PCDHA3: variants seen among roughly 807,000 people sequenced by gnomAD.
The protein encoded by PCDHA3 is protocadherin alpha-3.
In PCDHA3, 41 loss-of-function variants were observed where a neutral mutation model predicts 62.2. The observed-to-expected ratio is 0.66, with a 90% CI of 0.51 to 0.86. The LOEUF is 0.86. PCDHA3 is among the 40% of genes least tolerant of loss of function. The probability of loss-of-function intolerance (pLI) is 0.00; values close to 1 mark genes in which losing one functional copy is unlikely to be tolerated. For synonymous variants in PCDHA3, 640 were observed against 555.4 expected (o/e 1.15, Z -2.14); for missense variants, 1,304 against 1,241.2 (o/e 1.05, Z -0.76).
intron 1 of PCDHA3, chr5:140,851,624 A>G (rs1224878154): frequency 1.1e-6 from 1 of 920,370 alleles, no homozygotes; most frequent in Non-Finnish European, 1.3e-6. Context: ...AATGCTTTTT[A>G]AACAAGTGTT....
At chr5:140,914,360 T>C (rs782101976) in intron 1 of PCDHA3, among the ~76,000 whole-genome samples, 10 of 152,218 alleles carry the variant, frequency 6.6e-5, no homozygotes, top group Non-Finnish European at 1.5e-4. Context: ...GTTTTTGTCT[T>C]GAGATCTATT....
At chr5:140,836,278 G>T (rs1774328850) in intron 1 of PCDHA3, 3 of 1,613,796 alleles carry the variant, frequency 1.9e-6, no homozygotes, top group Middle Eastern at 1.6e-4. Context: ...GGTGAGATCA[G>T]CACGACACGA....
intron 1 of PCDHA3, among the ~76,000 whole-genome samples, chr5:140,933,345 A>G (rs1257404732): frequency 6.6e-6 from 1 of 151,960 alleles, no homozygotes; most frequent in Non-Finnish European, 1.5e-5. Flanking sequence ...AAAGATAAAC[A>G]CTTTATTTCT....
chr5:140,910,346 G>C (rs2074987326), intron 1 of PCDHA3, among the ~76,000 whole-genome samples: 1 of 152,152 alleles, frequency 6.6e-6, no homozygotes, highest in Admixed American at 6.5e-5. Flanking sequence ...CTTTGCCTCT[G>C]CTGTCCATTA....
chr5:140,868,892 A>C (rs1450985948), intron 1 of PCDHA3: 8 of 760,982 alleles, frequency 1.1e-5, no homozygotes, highest in Non-Finnish European at 1.6e-5. Context: ...TTTTAGGCGC[A>C]AGGTGTCGCT....
chr5:140,928,262 A>G, intron 1 of PCDHA3: 1 of 1,614,214 alleles, frequency 6.2e-7, no homozygotes, highest in Non-Finnish European at 8.5e-7. Flanking sequence ...GTTGCTGAAA[A>G]CAATGGCCCT....
chr5:140,952,301 T>G (rs246036), intron 1 of PCDHA3, among the ~76,000 whole-genome samples: 84,430 of 149,404 alleles, frequency 0.57, 24,448 homozygotes, highest in African/African-American at 0.7. Flanking sequence ...CACAGCCATT[T>G]CACTCCAGCC....
At position 140,928,355 on chromosome 5, in the gene PCDHA3, T is replaced by C. The variant is rs368876306; in HGVS notation, c.2395-50594T>C. On this transcript the variant is annotated intron_variant, in intron 1 of 3. Coordinates refer to ENST00000522353, the MANE Select transcript of PCDHA3 (RefSeq NM_018906.3). ...GTCTCTTATGAGCTGTTGGATGTTA[T>C]CTCTGAAGGGCCATCAGCCTCTAGC... 8.1e-6 allele frequency: 13 copies of C among 1,614,062 alleles called. No individual in the cohort carries two copies. The African/African-American group carries it at 1.6e-4, about 20-fold the overall frequency.
At chr5:140,863,489 C>T (rs1032120656) in intron 1 of PCDHA3, 20 of 450,876 alleles carry the variant, frequency 4.4e-5, no homozygotes, top group Non-Finnish European at 8.4e-5. Context: ...CCAAGGTCAA[C>T]ATTACGGCTT....
At chr5:140,826,769 A>G (rs141336818) in intron 1 of PCDHA3, among the ~76,000 whole-genome samples, 1 of 152,326 alleles carries the variant, frequency 6.6e-6, no homozygotes, top group East Asian at 1.9e-4. Context: ...ATTGGAGAGT[A>G]ATTGAAAATA....
chr5:140,929,022 C>T (rs17844367), intron 1 of PCDHA3: 4 of 1,614,172 alleles, frequency 2.5e-6, no homozygotes, highest in Admixed American at 3.3e-5. Context: ...TGCACCAGAG[C>T]CCAGGCTGTT....
chr5:140,825,728 AT>A (rs1436730306), intron 1 of PCDHA3: 1 of 152,384 alleles, frequency 6.6e-6, no homozygotes, highest in Non-Finnish European at 1.5e-5. Context: ...GGCCTAAATT[AT>A]TATATTGATG....
At chr5:140,952,847 T>C (rs1199940738) in intron 1 of PCDHA3, among the ~76,000 whole-genome samples, 1 of 152,160 alleles carries the variant, frequency 6.6e-6, no homozygotes, top group Middle Eastern at 3.2e-3. Flanking sequence ...TCTGCTTGTC[T>C]TCTGGGGAGG....
rs567366418 is a variant in PCDHA3 at position 140,912,439 on chromosome 5, G to T, written c.2395-66510G>T. 2.6e-5 allele frequency among the ~76,000 whole-genome samples: 4 copies of T among 151,104 alleles called. No individual in the cohort carries two copies. The East Asian group carries it at 7.8e-4, about 29-fold the overall frequency. On this transcript the variant is annotated intron_variant, in intron 1 of 3. Transcript: ENST00000522353. ...TGGTGTATAGCAGTGTTGCTGATTT[G>T]TGTGCATTGATTTTGTATCCTGGAA...
At chr5:140,850,395 A>G in intron 1 of PCDHA3, 3 of 1,597,894 alleles carry the variant, frequency 1.9e-6, no homozygotes, top group Non-Finnish European at 1.7e-6. Context: ...GATCAGCACA[A>G]CGCGTGCCCT....
intron 1 of PCDHA3, among the ~76,000 whole-genome samples, chr5:140,946,879 G>A (rs246051): frequency 0.56 from 84,931 of 150,730 alleles, 24,535 homozygotes; most frequent in African/African-American, 0.69. Flanking sequence ...CAATGGGTAC[G>A]AAGTTACAAT....
At chr5:140,907,840 A>C (rs2073633940) in intron 1 of PCDHA3, among the ~76,000 whole-genome samples, 1 of 152,160 alleles carries the variant, frequency 6.6e-6, no homozygotes, top group South Asian at 2.1e-4. Context: ...TGTTTATTAA[A>C]ATCCTCCTCT....
chr5:140,947,645 A>G (rs1373528004), intron 1 of PCDHA3, among the ~76,000 whole-genome samples: 2 of 151,670 alleles, frequency 1.3e-5, no homozygotes, highest in African/African-American at 2.4e-5. Flanking sequence ...GTATGAACAT[A>G]TATACCTCCA....
At chr5:140,862,901 C>CA in intron 1 of PCDHA3, 2 of 551,296 alleles carry the variant, frequency 3.6e-6, no homozygotes, top group Non-Finnish European at 3.5e-6. Context: ...ACTTTGTCTG[C>CA]GCTGCTGGCG....
Sources: allele counts gnomAD v4.1 joint callset (sites outside exome capture counted in the v4.1 genomes callset), GRCh38; gene constraint gnomAD v4.1.1; transcripts MANE v1.5; gene names NCBI Gene and HGNC (gene_info 2026-07-23, HGNC 2026-07-21).